ITPKB: variants seen among roughly 807,000 people sequenced by gnomAD.
The protein encoded by ITPKB is inositol-trisphosphate 3-kinase B.
In ITPKB, 13 loss-of-function variants were observed where a neutral mutation model predicts 69.4. That is an observed-to-expected ratio of 0.19 (90% CI 0.12 to 0.30). The LOEUF (loss-of-function observed/expected upper bound fraction) is 0.30, where lower values mean the gene tolerates loss of function less well. Ranked by LOEUF, ITPKB falls within the 10% of genes least tolerant of loss-of-function variation. The probability of loss-of-function intolerance (pLI) is 1.00; values close to 1 mark genes in which losing one functional copy is unlikely to be tolerated. For synonymous variants in ITPKB, 584 were observed against 513.7 expected (o/e 1.14, Z -1.85); for missense variants, 1,240 against 1,250.5 (o/e 0.99, Z 0.13).
intron 2 of ITPKB, among the ~76,000 whole-genome samples, chr1:226,708,692 G>A (rs969806017): frequency 6.6e-6 from 1 of 152,242 alleles, no homozygotes; most frequent in Non-Finnish European, 1.5e-5. Flanking sequence ...GAGGACACAG[G>A]TCTTTCAGTA....
intron 2 of ITPKB, chr1:226,668,959 C>T (rs936634441): frequency 2.0e-5 from 3 of 152,196 alleles, no homozygotes; most frequent in East Asian, 1.9e-4. Context: ...ATTCATTACT[C>T]CCTGCCCCCC....
At chr1:226,670,471 T>C (rs962601283) in intron 2 of ITPKB, among the ~76,000 whole-genome samples, 2 of 152,144 alleles carry the variant, frequency 1.3e-5, no homozygotes, top group African/African-American at 4.8e-5. Flanking sequence ...GTAGTGAAAA[T>C]AGCCCAACTT....
At chr1:226,635,926 G>A (rs1004539971) in intron 7 of ITPKB, among the ~76,000 whole-genome samples, 16 of 152,250 alleles carry the variant, frequency 1.1e-4, no homozygotes, top group Admixed American at 6.5e-5. Flanking sequence ...AAGGGCTCAG[G>A]TGACATTCCA....
rs1048841708 is a variant in ITPKB at position 226,690,720 on chromosome 1, T to C, written c.1933-41949A>G. Among the ~76,000 whole-genome samples, 5 of 152,216 alleles carry C rather than the reference T, an allele frequency of 3.3e-5. No individual in the cohort carries two copies. The East Asian group carries it at 7.7e-4, about 23-fold the overall frequency. Reference sequence around the variant, plus strand: ...CACACACAGGACCGTCAATTCAACGTGTCCACCTACCTCACAAGCAGGCAG... The same window carrying C: ...CACACACAGGACCGTCAATTCAACGCGTCCACCTACCTCACAAGCAGGCAG... On this transcript the variant is annotated intron_variant, in intron 2 of 7. Coordinates refer to ENST00000429204, the MANE Select transcript of ITPKB (RefSeq NM_002221.4).
chr1:226,728,690 C>T (rs527297692), intron 2 of ITPKB, among the ~76,000 whole-genome samples: 17 of 152,150 alleles, frequency 1.1e-4, no homozygotes, highest in Non-Finnish European at 2.4e-4. Context: ...ACTACTACAC[C>T]CCTACTATGT....
rs142505897 is a variant in ITPKB, at chr1:226,736,509, C to A, written c.950G>T (p.Arg317Leu). The A allele has an allele frequency of 6.2e-7, 1 of 1,613,994 alleles. No homozygotes were observed. The highest frequency in any genetic ancestry group is 1.3e-5 in the African/African-American group (1 of 75,066). Residue 317 changes from arginine to leucine, a missense_variant, in exon 2 of 8, where the codon CGT (arginine) becomes CTT (leucine). Around this residue, in one of 2 missense-constraint regions of ITPKB, gnomAD observed 992 missense variants for 853.8 expected, o/e 1.16. Transcript: ENST00000429204. ...AARVTSTGPH[R>L]PQDLALTEPS... Reference sequence around the variant, plus strand: ...CTCAGTGAGGGCAAGATCCTGTGGACGGTGTGGCCCAGTGGATGTAACTCT... The same window carrying A: ...CTCAGTGAGGGCAAGATCCTGTGGAAGGTGTGGCCCAGTGGATGTAACTCT...
intron 2 of ITPKB, among the ~76,000 whole-genome samples, chr1:226,689,609 G>A (rs1400548225): frequency 6.7e-6 from 1 of 149,362 alleles, no homozygotes; most frequent in Non-Finnish European, 1.5e-5. Context: ...GTGTGTGTGT[G>A]TGTGCATGCA....
At chr1:226,699,359 T>A (rs2102786402) in intron 2 of ITPKB, among the ~76,000 whole-genome samples, 1 of 152,332 alleles carries the variant, frequency 6.6e-6, no homozygotes, top group East Asian at 1.9e-4. Context: ...GATTCCCCAG[T>A]GCGTGAGCCT....
intron 2 of ITPKB, among the ~76,000 whole-genome samples, chr1:226,655,490 C>T (rs539380334): frequency 3.3e-4 from 50 of 152,354 alleles, no homozygotes; most frequent in East Asian, 3.9e-4. Flanking sequence ...TCAAGGCCAC[C>T]GGCACCTGTG....
intron 2 of ITPKB, among the ~76,000 whole-genome samples, chr1:226,697,874 C>T (rs1423110494): frequency 6.6e-6 from 1 of 152,170 alleles, no homozygotes; most frequent in African/African-American, 2.4e-5. Flanking sequence ...ATAAGGGGTC[C>T]CCAAGAGGAG....
At chr1:226,703,659 G>T (rs1656733647) in intron 2 of ITPKB, among the ~76,000 whole-genome samples, 1 of 152,364 alleles carries the variant, frequency 6.6e-6, no homozygotes, top group South Asian at 2.1e-4. Flanking sequence ...GCGCTAGCGG[G>T]CCCGCAGCAG....
chr1:226,705,331 A>C (rs758578202), intron 2 of ITPKB, among the ~76,000 whole-genome samples: 1 of 140,166 alleles, frequency 7.1e-6, no homozygotes, highest in Non-Finnish European at 1.6e-5. Context: ...GGAGTTCGAG[A>C]CCAGCCTGAC....
chr1:226,735,790 G>A lies in ITPKB; in HGVS notation c.1669C>T (p.Leu557=), dbSNP rs1043036598. 1.9e-6 allele frequency: 3 copies of A among 1,603,508 alleles called. No homozygotes were observed. Among genetic ancestry groups the A allele is most frequent in the South Asian group, 1.1e-5 (1 of 90,678 alleles). Residue 557 remains leucine, a synonymous_variant, in exon 2 of 8, where the codon CTG becomes TTG. Transcript: ENST00000429204. ...LLPQDPDKPF[L]RKACSPSNIP... ...TTGCTGGGGCTGCAGGCCTTCCTCA[G>A]GAAAGGCTTGTCCGGATCTTGGGGT...
Position 226,708,312 on chromosome 1 carries a change from A to G in ITPKB, c.1932+27215T>C, listed in dbSNP as rs1197922415. ...GTTTTTGTTAAAAACCAAAAAGAAC[A>G]AAAAATAAATCAAACCTGCCTCAAA... On this transcript the variant is annotated intron_variant, in intron 2 of 7. Coordinates refer to ENST00000429204, the MANE Select transcript of ITPKB (RefSeq NM_002221.4). 2.0e-5 allele frequency among the ~76,000 whole-genome samples: 3 copies of G among 152,248 alleles called. No homozygotes were observed. In the East Asian group the frequency reaches 5.8e-4, roughly 29 times the overall value.
intron 2 of ITPKB, among the ~76,000 whole-genome samples, chr1:226,731,493 A>G (rs564992242): frequency 1.3e-5 from 2 of 152,170 alleles, no homozygotes; most frequent in Non-Finnish European, 2.9e-5. Context: ...GTCTTGTCGC[A>G]TTTTCTGATA....
At chr1:226,717,143 T>C (rs928374392) in intron 2 of ITPKB, among the ~76,000 whole-genome samples, 3 of 152,066 alleles carry the variant, frequency 2.0e-5, no homozygotes, top group Non-Finnish European at 4.4e-5. Context: ...TGTTTCTCGA[T>C]GGAGACCAAA....
intron 2 of ITPKB, among the ~76,000 whole-genome samples, chr1:226,732,330 C>T (rs951379605): frequency 1.3e-5 from 2 of 152,128 alleles, no homozygotes; most frequent in Admixed American, 6.5e-5. Flanking sequence ...CCTCTACCTC[C>T]AGTGTTCAAG....
chr1:226,658,171 T>TA (rs1397435530), intron 2 of ITPKB, among the ~76,000 whole-genome samples: 1 of 152,208 alleles, frequency 6.6e-6, no homozygotes, highest in Non-Finnish European at 1.5e-5. Context: ...TTGGTCTTTC[T>TA]AAAAAAGCAG....
At position 226,634,976 on chromosome 1, in the gene ITPKB, G is replaced by T. The variant is rs992971087; in HGVS notation, c.2626-90C>A. ...GGGGCCTGGGTGACCAGGTGGGGAG[G>T]CTCGCTCAGGCCGGACAGTTGGGTG... On this transcript the variant is annotated intron_variant, in intron 7 of 7. Coordinates refer to ENST00000429204, the MANE Select transcript of ITPKB (RefSeq NM_002221.4). This position sits in a 1 kb window ranked among gnomAD's most constrained non-coding sequence, Gnocchi z 6.3. 36 of 950,616 alleles carry T rather than the reference G, an allele frequency of 3.8e-5. No individual in the cohort carries two copies. Among genetic ancestry groups the T allele is most frequent in the Non-Finnish European group, 5.3e-5 (33 of 625,714 alleles). 58.9% of individuals were successfully genotyped at this position (950,616 alleles called of 1,614,324 possible). A position where few individuals can be genotyped will look rare whatever the true frequency, so the allele number is the denominator to read the frequency against.
Sources: gnomAD v4.1 joint callset for allele counts (sites outside exome capture counted in the v4.1 genomes callset) on GRCh38, gnomAD v4.1.1 for gene constraint, gnomAD v4.1.1 regional missense constraint, Gnocchi (gnomAD v3.1) non-coding constraint, MANE v1.5 for transcripts, NCBI Gene and HGNC (gene_info 2026-07-23, HGNC 2026-07-21) for gene names.